The following SAMD12 variants were observed in gnomAD, a reference collection of about 807,000 sequenced individuals.
SAMD12 encodes the protein sterile alpha motif domain-containing protein 12.
Under a neutral mutation model 15.0 loss-of-function variants are expected in SAMD12, and 9 were observed. The observed-to-expected ratio is 0.60, with a 90% CI of 0.36 to 1.05. The LOEUF (loss-of-function observed/expected upper bound fraction) is 1.05, where lower values mean the gene tolerates loss of function less well. Ranked by LOEUF, SAMD12 falls within the 50% of genes least tolerant of loss-of-function variation. SAMD12 has a pLI of 0.01. For missense variants in SAMD12, 230 were observed against 234.2 expected (o/e 0.98, Z 0.12); for synonymous variants, 86 against 90.1 (o/e 0.96, Z 0.25).
intron 4 of SAMD12, among the ~76,000 whole-genome samples, chr8:118,203,548 A>G (rs1257626777): frequency 6.6e-6 from 1 of 152,058 alleles, no homozygotes; most frequent in African/African-American, 2.4e-5. Flanking sequence ...GGTTTGGAAG[A>G]TACAGGTCCT....
At chr8:118,498,038 A>C (rs1459372140) in intron 2 of SAMD12, among the ~76,000 whole-genome samples, 1 of 152,196 alleles carries the variant, frequency 6.6e-6, no homozygotes, top group Non-Finnish European at 1.5e-5. Flanking sequence ...GGACTAATTA[A>C]ACAGAAGAAC....
At chr8:118,250,687 T>G (rs958699958) in intron 4 of SAMD12, among the ~76,000 whole-genome samples, 2 of 152,012 alleles carry the variant, frequency 1.3e-5, no homozygotes, top group African/African-American at 2.4e-5. Context: ...TTTTTTTTTA[T>G]TTTTGGTATT....
At chr8:118,598,100 C>T (rs371886114) in intron 1 of SAMD12, among the ~76,000 whole-genome samples, 4 of 152,110 alleles carry the variant, frequency 2.6e-5, no homozygotes, top group East Asian at 3.8e-4. Context: ...CTTTAAGGTC[C>T]GATAAATGTA....
intron 2 of SAMD12, among the ~76,000 whole-genome samples, chr8:118,500,804 TTAAA>T (rs1414696483): frequency 6.6e-6 from 1 of 152,206 alleles, no homozygotes; most frequent in African/African-American, 2.4e-5. Flanking sequence ...AAACTCTGTC[TTAAA>T]TAAATAAATA....
chr8:118,597,086 A>T (rs775891507), intron 1 of SAMD12, among the ~76,000 whole-genome samples: 1 of 152,170 alleles, frequency 6.6e-6, no homozygotes, highest in Non-Finnish European at 1.5e-5. Context: ...TGCATGGGGC[A>T]CAGAGGGTGT....
At chr8:118,257,974 G>A (rs1435294144) in intron 4 of SAMD12, among the ~76,000 whole-genome samples, 1 of 152,086 alleles carries the variant, frequency 6.6e-6, no homozygotes, top group Non-Finnish European at 1.5e-5. Context: ...CTGGCATGAG[G>A]GAATATTCCT....
In SAMD12 at chr8:118,391,022, G is replaced by A. The variant is rs113459366; in HGVS notation, c.323-11322C>T. Among the ~76,000 whole-genome samples the A allele has an allele frequency of 9.7e-3, 1,480 of 152,154 alleles. 24 individuals carry two copies. Among genetic ancestry groups the A allele is most frequent in the African/African-American group, 0.035 (1,433 of 41,504 alleles). On this transcript the variant is annotated intron_variant, in intron 3 of 3. Transcript: ENST00000314727. ...CTTTTCAAACAGAAAATGTGACCCTGCATTGTTTTTAGCTCTCCGAGAAGG... is the reference window on the plus strand; with the variant it reads ...CTTTTCAAACAGAAAATGTGACCCTACATTGTTTTTAGCTCTCCGAGAAGG...
intron 2 of SAMD12, among the ~76,000 whole-genome samples, chr8:118,462,107 C>A (rs551853983): frequency 2.0e-5 from 3 of 152,178 alleles, no homozygotes; most frequent in Admixed American, 6.5e-5. Context: ...ACTATAGTCC[C>A]ATGTCTGTTC....
At chr8:118,329,998 C>T (rs889088182) in intron 4 of SAMD12, among the ~76,000 whole-genome samples, 8 of 151,992 alleles carry the variant, frequency 5.3e-5, no homozygotes, top group Non-Finnish European at 8.8e-5. Flanking sequence ...AAGAAGAACT[C>T]GCTTGTATGG....
chr8:118,178,373 A>G, the SAMD12 span, among the ~76,000 whole-genome samples: 1 of 152,212 alleles, frequency 6.6e-6, no homozygotes, highest in Admixed American at 6.5e-5. Flanking sequence ...CTTAGGAATT[A>G]TATACTAAGT....
At chr8:118,399,126 C>A (rs561691959) in intron 3 of SAMD12, among the ~76,000 whole-genome samples, 1 of 152,222 alleles carries the variant, frequency 6.6e-6, no homozygotes, top group Admixed American at 6.5e-5. Context: ...TTAAGCAATC[C>A]TCCTGCTTCC....
chr8:118,196,788 TC>T (rs1819575314), exon 5 of SAMD12: 1 of 152,278 alleles, frequency 6.6e-6, no homozygotes, highest in South Asian at 2.1e-4. Flanking sequence ...AAGAATACCA[TC>T]CCCTTTTTTC....
chr8:118,315,519 T>C (rs1018895939), intron 4 of SAMD12, among the ~76,000 whole-genome samples: 6 of 152,126 alleles, frequency 3.9e-5, no homozygotes, highest in Admixed American at 3.9e-4. Flanking sequence ...GAGAGAGCCA[T>C]GGATTCTGTC....
intron 3 of SAMD12, among the ~76,000 whole-genome samples, chr8:118,430,079 C>A (rs891458303): frequency 8.5e-5 from 13 of 152,178 alleles, no homozygotes; most frequent in African/African-American, 2.9e-4. Flanking sequence ...TATGGATCAA[C>A]ACTGAATTTT....
At chr8:118,505,224 C>A (rs1824890099) in intron 2 of SAMD12, among the ~76,000 whole-genome samples, 1 of 152,214 alleles carries the variant, frequency 6.6e-6, no homozygotes, top group East Asian at 1.9e-4. Flanking sequence ...AGCAAGAGCA[C>A]AGGCTCAGTA....
chr8:118,478,132 T>A (rs1824017186), intron 2 of SAMD12, among the ~76,000 whole-genome samples: 1 of 152,014 alleles, frequency 6.6e-6, no homozygotes, highest in Admixed American at 6.5e-5. Flanking sequence ...TACCTAAATA[T>A]AAATCCTTTT....
chr8:118,531,199 T>C (rs1825674903), intron 2 of SAMD12, among the ~76,000 whole-genome samples: 1 of 152,232 alleles, frequency 6.6e-6, no homozygotes, highest in Non-Finnish European at 1.5e-5. Flanking sequence ...CTTTCCCCAT[T>C]GCTTGTTTTT....
rs549059372 is a variant in SAMD12, at chr8:118,457,345, C to T, written c.193-17384G>A. On this transcript the variant is annotated intron_variant, in intron 2 of 3. Transcript: ENST00000314727. Reference sequence around the variant, plus strand: ...TCCTGGGCTCAGGGAATCGTCCCACCTTAGCCTCCTGAACAGCTAGGGCTA... The same window carrying T: ...TCCTGGGCTCAGGGAATCGTCCCACTTTAGCCTCCTGAACAGCTAGGGCTA... 3.3e-5 allele frequency among the ~76,000 whole-genome samples: 5 copies of T among 151,912 alleles called. No homozygotes were observed. The East Asian group carries it at 9.7e-4, about 29-fold the overall frequency.
At chr8:118,524,327 G>A (rs1016521258) in intron 2 of SAMD12, among the ~76,000 whole-genome samples, 12 of 152,038 alleles carry the variant, frequency 7.9e-5, no homozygotes, top group African/African-American at 2.9e-4. Context: ...TTCCACCATC[G>A]CTCCTTCTAA....
Sources: allele counts gnomAD v4.1 joint callset (sites outside exome capture counted in the v4.1 genomes callset), GRCh38; gene constraint gnomAD v4.1.1; transcripts MANE v1.5; gene names NCBI Gene and HGNC (gene_info 2026-07-23, HGNC 2026-07-21).